AMPH: variants seen among roughly 807,000 people sequenced by gnomAD.
The protein encoded by AMPH is amphiphysin.
A neutral mutation model predicts 99.1 loss-of-function variants in AMPH; 49 were observed. The observed-to-expected ratio is 0.49, with a 90% confidence interval of 0.39 to 0.63. The LOEUF is 0.63. Ranked by LOEUF, AMPH falls within the 20% of genes least tolerant of loss-of-function variation. The pLI is 0.00. For synonymous variants in AMPH, 314 were observed against 317.3 expected (o/e 0.99, Z 0.11); for missense variants, 759 against 863.4 (o/e 0.88, Z 1.52).
At chr7:38,628,278 T>C (rs1339988999) in intron 1 of AMPH, among the ~76,000 whole-genome samples, 1 of 152,146 alleles carries the variant, frequency 6.6e-6, no homozygotes, top group Admixed American at 6.5e-5. Context: ...AATTTTATTA[T>C]CCAGAGTTGG....
intron 1 of AMPH, among the ~76,000 whole-genome samples, chr7:38,605,548 T>C (rs192023346): frequency 6.6e-6 from 1 of 152,124 alleles, no homozygotes; most frequent in Admixed American, 6.5e-5. Context: ...TGGAGACTTA[T>C]AATGGTTTTC....
intron 14 of AMPH, among the ~76,000 whole-genome samples, chr7:38,427,466 T>G (rs1169515190): frequency 6.6e-6 from 1 of 152,226 alleles, no homozygotes; most frequent in Non-Finnish European, 1.5e-5. Context: ...AGTAAATTAG[T>G]CTGTGCTGCT....
intron 2 of AMPH, among the ~76,000 whole-genome samples, chr7:38,533,227 G>A (rs929024168): frequency 1.2e-4 from 19 of 152,030 alleles, no homozygotes; most frequent in African/African-American, 4.3e-4. Flanking sequence ...TTATTCTGTG[G>A]GCCCAAGTCC....
chr7:38,630,791 T>C (rs1794425990), intron 1 of AMPH, among the ~76,000 whole-genome samples: 1 of 152,222 alleles, frequency 6.6e-6, no homozygotes, highest in Non-Finnish European at 1.5e-5. Flanking sequence ...TCTGCTGCAC[T>C]TAAGTAGCCA....
intron 17 of AMPH, among the ~76,000 whole-genome samples, chr7:38,415,732 G>A (rs190512771): frequency 2.0e-4 from 30 of 152,132 alleles, no homozygotes; most frequent in African/African-American, 6.7e-4. Context: ...TCTCCTCTTA[G>A]TTAACATTGT....
rs117551093 is a variant in AMPH at position 38,503,613 on chromosome 7, G to T, written c.205+37C>A. ...CTCATGAATTCCAAGAACAACCTGT[G>T]CTAAGTAACATGCAGTAAACAACTC... On this transcript the variant is annotated intron_variant, in intron 3 of 20. Transcript: ENST00000356264. 4.0e-4 allele frequency: 635 copies of T among 1,599,764 alleles called. 3 individuals carry two copies. In the East Asian group the frequency reaches 0.012, roughly 31 times the overall value.
chr7:38,575,486 A>C (rs967774799), intron 1 of AMPH, among the ~76,000 whole-genome samples: 2 of 152,128 alleles, frequency 1.3e-5, no homozygotes, highest in African/African-American at 4.8e-5. Flanking sequence ...TGATTACATC[A>C]TGGGGGCAGT....
At chr7:38,460,030 A>G (rs1787381351) in intron 11 of AMPH, among the ~76,000 whole-genome samples, 1 of 152,172 alleles carries the variant, frequency 6.6e-6, no homozygotes, top group Non-Finnish European at 1.5e-5. Context: ...TGGGCTAAGG[A>G]CATAAATAGA....
At chr7:38,500,348 T>C (rs764045602) in intron 3 of AMPH, among the ~76,000 whole-genome samples, 3 of 152,188 alleles carry the variant, frequency 2.0e-5, no homozygotes, top group Admixed American at 6.5e-5. Flanking sequence ...CTTGTTAACA[T>C]AGTCAATCAG....
At chr7:38,495,441 C>T (rs889857075) in intron 3 of AMPH, among the ~76,000 whole-genome samples, 2 of 152,046 alleles carry the variant, frequency 1.3e-5, no homozygotes, top group Non-Finnish European at 2.9e-5. Flanking sequence ...GGAACCAGCC[C>T]TGGACAAGAT....
At chr7:38,622,442 T>G (rs1584316737) in intron 1 of AMPH, among the ~76,000 whole-genome samples, 1 of 128,852 alleles carries the variant, frequency 7.8e-6, no homozygotes, top group East Asian at 2.0e-4. Context: ...TATATTTGTA[T>G]GTATGAATAC....
intron 1 of AMPH, among the ~76,000 whole-genome samples, chr7:38,554,296 T>G (rs1446940276): frequency 2.0e-5 from 3 of 152,244 alleles, no homozygotes; most frequent in Non-Finnish European, 4.4e-5. Flanking sequence ...TGGGCCTTCC[T>G]GTCTGCTCCA....
At chr7:38,616,469 T>A (rs1013227629) in intron 1 of AMPH, among the ~76,000 whole-genome samples, 1 of 152,308 alleles carries the variant, frequency 6.6e-6, no homozygotes, top group Non-Finnish European at 1.5e-5. Context: ...CCCTAATGAA[T>A]CATTCATTCC....
intron 17 of AMPH, among the ~76,000 whole-genome samples, chr7:38,411,510 A>G (rs867269392): frequency 2.6e-5 from 4 of 152,186 alleles, no homozygotes; most frequent in African/African-American, 9.7e-5. Flanking sequence ...GGGCCTTTCT[A>G]TCGTGCAGGT....
At chr7:38,398,761 T>G (rs910965757) in intron 17 of AMPH, among the ~76,000 whole-genome samples, 1 of 152,208 alleles carries the variant, frequency 6.6e-6, no homozygotes. Flanking sequence ...CTGAGGTAAT[T>G]ACTACATGTC....
rs1197898074 is a variant in AMPH, at chr7:38,571,195, TTATA to T, written c.70-36188_70-36185del. ...TATTTTTATATATGAATATATATAT[TTATA>T]TATAATTATTTATATATTTTTATAT... On this transcript the variant is annotated intron_variant, in intron 1 of 20. Coordinates refer to ENST00000356264, the MANE Select transcript of AMPH (RefSeq NM_001635.4). Among the ~76,000 whole-genome samples the T allele has an allele frequency of 5.2e-5, 5 of 96,330 alleles. No homozygotes were observed. In the South Asian group the frequency reaches 1.3e-3, roughly 25 times the overall value. The allele number at this position is 96,330 out of a possible 152,430, so 63.2% of individuals were successfully genotyped here.
chr7:38,614,821 G>T (rs978990200), intron 1 of AMPH, among the ~76,000 whole-genome samples: 14 of 152,102 alleles, frequency 9.2e-5, no homozygotes, highest in African/African-American at 3.1e-4. Flanking sequence ...AAGTTGCTGG[G>T]ATATAACTAC....
At chr7:38,475,667 G>A (rs189467306) in intron 6 of AMPH, among the ~76,000 whole-genome samples, 4 of 152,282 alleles carry the variant, frequency 2.6e-5, no homozygotes, top group Non-Finnish European at 5.9e-5. Flanking sequence ...CTACAAAAAT[G>A]TGTTAGCTGC....
At chr7:38,630,299 G>C (rs1794410372) in intron 1 of AMPH, among the ~76,000 whole-genome samples, 1 of 152,144 alleles carries the variant, frequency 6.6e-6, no homozygotes, top group African/African-American at 2.4e-5. Context: ...CTTTGCTCAG[G>C]ACACAAATGA....
Sources: allele counts gnomAD v4.1 joint callset (sites outside exome capture counted in the v4.1 genomes callset), GRCh38; gene constraint gnomAD v4.1.1; transcripts MANE v1.5; gene names NCBI Gene and HGNC (gene_info 2026-07-23, HGNC 2026-07-21).